Variants in ARHGAP35 observed in about 807,000 individuals in gnomAD.
The protein encoded by ARHGAP35 is Rho GTPase activating protein 35, also known as rho GTPase-activating protein 35.
A neutral mutation model predicts 111.1 loss-of-function variants in ARHGAP35; 15 were observed. The observed-to-expected ratio is 0.13, with a 90% CI of 0.09 to 0.21. The LOEUF (loss-of-function observed/expected upper bound fraction) is 0.21. Ranked by LOEUF, ARHGAP35 falls within the 10% of genes least tolerant of loss-of-function variation. The pLI is 1.00. For synonymous variants in ARHGAP35, 643 were observed against 710.3 expected (o/e 0.91, Z 1.51); for missense variants, 1,262 against 1,873.0 (o/e 0.67, Z 6.02).
At chr19:46,968,000 C>A (rs528098115) in intron 3 of ARHGAP35, among the ~76,000 whole-genome samples, 6 of 152,216 alleles carry the variant, frequency 3.9e-5, no homozygotes, top group Admixed American at 6.5e-5. Context: ...CTCTGATTGT[C>A]TTCCTTCCTC....
chr19:46,895,239 C>T (rs919161278), intron 1 of ARHGAP35, among the ~76,000 whole-genome samples: 1 of 151,556 alleles, frequency 6.6e-6, no homozygotes, highest in South Asian at 2.1e-4. Context: ...TCTCGGCTCA[C>T]TGCAAGCTCC....
At chr19:46,980,588 A>G (rs957356602) in intron 3 of ARHGAP35, among the ~76,000 whole-genome samples, 5 of 152,168 alleles carry the variant, frequency 3.3e-5, no homozygotes, top group African/African-American at 1.2e-4. Context: ...TTTTTCTACA[A>G]ACTGTCTTGT....
At chr19:46,891,176 G>C (rs754294634) in intron 1 of ARHGAP35, among the ~76,000 whole-genome samples, 3 of 152,102 alleles carry the variant, frequency 2.0e-5, no homozygotes, top group Non-Finnish European at 2.9e-5. Flanking sequence ...ACTATCACCC[G>C]CCCTCCAGGA....
chr19:46,949,161 A>C (rs1860305135), intron 3 of ARHGAP35: 1 of 152,206 alleles, frequency 6.6e-6, no homozygotes, highest in Non-Finnish European at 1.5e-5. Context: ...CGTCTCAAAA[A>C]AAAAAAAAAA....
intron 1 of ARHGAP35, among the ~76,000 whole-genome samples, chr19:46,911,705 AC>A (rs1426780000): frequency 2.3e-4 from 35 of 152,234 alleles, no homozygotes; most frequent in African/African-American, 8.4e-4. Flanking sequence ...CAAATCATAC[AC>A]AGAAAATGAA....
chr19:46,865,914 C>T (rs970859005), intron 1 of ARHGAP35, among the ~76,000 whole-genome samples: 1 of 152,178 alleles, frequency 6.6e-6, no homozygotes, highest in African/African-American at 2.4e-5. Flanking sequence ...AATCTCAGCT[C>T]ACCACAACCT....
At chr19:46,942,090 T>C (rs2056350730) in intron 3 of ARHGAP35, among the ~76,000 whole-genome samples, 1 of 152,152 alleles carries the variant, frequency 6.6e-6, no homozygotes, top group Non-Finnish European at 1.5e-5. Context: ...TGTACCCTTA[T>C]TTCCTAAGAA....
rs994874329 is a variant in ARHGAP35 at position 46,994,088 on chromosome 19, A to T, written c.4036+4413A>T. Among the ~76,000 whole-genome samples the T allele has an allele frequency of 1.3e-5, 2 of 152,258 alleles. No individual in the cohort carries two copies. The highest frequency in any genetic ancestry group is 6.5e-5 in the Admixed American group (1 of 15,296). On this transcript the variant is annotated intron_variant, in intron 5 of 6. Transcript: ENST00000672722. This position sits in a 1 kb window ranked among gnomAD's most constrained non-coding sequence, Gnocchi z 5.4. Reference sequence around the variant, plus strand: ...AAAAGTCTGGACGAGCGGACCTGGGAATCCACAAACCAGCACACGCCAGGT... The same window carrying T: ...AAAAGTCTGGACGAGCGGACCTGGGTATCCACAAACCAGCACACGCCAGGT...
At chr19:46,955,012 G>C (rs1357050262) in intron 3 of ARHGAP35, among the ~76,000 whole-genome samples, 1 of 152,136 alleles carries the variant, frequency 6.6e-6, no homozygotes, top group East Asian at 1.9e-4. Flanking sequence ...CCTGAATCTG[G>C]GTAAATTCAA....
At position 46,901,918 on chromosome 19, in the gene ARHGAP35, C is replaced by T. The variant is rs997399411; in HGVS notation, c.-188-16570C>T. The stretch of plus-strand genomic sequence containing the variant: ...TTTTATCTGTGTATGCTTTCCCTCC[C>T]CCTGCAAGATTTAATGACCTAGCCA... On this transcript the variant is annotated intron_variant, in intron 1 of 6. Transcript: ENST00000672722. This position sits in a 1 kb window ranked among gnomAD's most constrained non-coding sequence, Gnocchi z 4.5. Among the ~76,000 whole-genome samples the T allele has an allele frequency of 6.6e-6, 1 of 152,124 alleles. No homozygotes were observed. The highest frequency in any genetic ancestry group is 1.5e-5 in the Non-Finnish European group (1 of 68,018).
chr19:46,978,451 GTGTGTGTAGTGGGGTC>G (rs1310475391), intron 3 of ARHGAP35, among the ~76,000 whole-genome samples: 1 of 152,004 alleles, frequency 6.6e-6, no homozygotes, highest in Non-Finnish European at 1.5e-5. Context: ...TGTTTTGTGT[GTGTGTGTAGTGGGGTC>G]TGTGTGTGGG....
At chr19:46,981,013 G>T (rs1041824813) in intron 3 of ARHGAP35, among the ~76,000 whole-genome samples, 38 of 152,312 alleles carry the variant, frequency 2.5e-4, no homozygotes, top group African/African-American at 9.1e-4. Flanking sequence ...ATCTTCCATT[G>T]AGGTGAGATT....
Position 46,918,137 on chromosome 19 carries a change from G to T in ARHGAP35, c.-188-351G>T, listed in dbSNP as rs1369843241. Among the ~76,000 whole-genome samples, 1 of 152,172 alleles carries T rather than the reference G, an allele frequency of 6.6e-6. No individual in the cohort carries two copies. Among genetic ancestry groups the T allele is most frequent in the East Asian group, 1.9e-4 (1 of 5,200 alleles). On this transcript the variant is annotated intron_variant, in intron 1 of 6. Coordinates refer to ENST00000672722, the MANE Select transcript of ARHGAP35 (RefSeq NM_004491.5). The surrounding 1 kb of genome is among the most constrained non-coding windows in gnomAD (Gnocchi z 5.4). ...GCTGGCTTCTGTGTCCTTGTGAGAT[G>T]CTCCATCGTTTTTTTTCTTGCATAA...
At chr19:46,861,239 G>A (rs969804003) in intron 1 of ARHGAP35, among the ~76,000 whole-genome samples, 30 bp downstream of exon 1, 1 of 151,210 alleles carries the variant, frequency 6.6e-6, no homozygotes, top group Non-Finnish European at 1.5e-5. Context: ...GGCCCCGGGC[G>A]GCGAGGCCGG....
chr19:46,958,109 C>T (rs1225905220), intron 3 of ARHGAP35, among the ~76,000 whole-genome samples: 1 of 151,382 alleles, frequency 6.6e-6, no homozygotes, highest in Non-Finnish European at 1.5e-5. Context: ...TAAGGCCAGG[C>T]ACGGTGGCCC....
At chr19:46,998,541 C>A (rs1002721977) in intron 5 of ARHGAP35, among the ~76,000 whole-genome samples, 1 of 152,232 alleles carries the variant, frequency 6.6e-6, no homozygotes, top group African/African-American at 2.4e-5. Context: ...GCTCAGGCCC[C>A]ACAGCCAGTC....
At chr19:46,998,583 C>G (rs1001293439) in intron 5 of ARHGAP35, among the ~76,000 whole-genome samples, 6 of 152,254 alleles carry the variant, frequency 3.9e-5, no homozygotes, top group Non-Finnish European at 7.3e-5. Flanking sequence ...TCAGATACTT[C>G]ATCCTCAAAA....
chr19:46,864,282 A>G (rs1047571569), intron 1 of ARHGAP35, among the ~76,000 whole-genome samples: 6 of 152,186 alleles, frequency 3.9e-5, no homozygotes, highest in African/African-American at 1.4e-4. Context: ...ATTCAGGGGT[A>G]GAGGTGGTTT....
intron 3 of ARHGAP35, among the ~76,000 whole-genome samples, chr19:46,954,425 G>A (rs914070257): frequency 1.8e-4 from 28 of 152,330 alleles, no homozygotes; most frequent in African/African-American, 6.7e-4. Flanking sequence ...AGCAGAAATG[G>A]GAATTGAGGC....
Sources: allele counts gnomAD v4.1 joint callset (sites outside exome capture counted in the v4.1 genomes callset), GRCh38; gene constraint gnomAD v4.1.1; non-coding constraint Gnocchi (gnomAD v3.1); transcripts MANE v1.5; gene names NCBI Gene and HGNC (gene_info 2026-07-23, HGNC 2026-07-21).